MBD1: variants seen among roughly 807,000 people sequenced by gnomAD.
MBD1 encodes methyl-CpG binding domain protein 1.
Under a neutral mutation model 82.6 loss-of-function variants are expected in MBD1, and 25 were observed. The ratio of observed to expected loss-of-function variants is 0.30; its 90% CI spans 0.22 to 0.42. MBD1 has a LOEUF of 0.42. Ranked by LOEUF, MBD1 falls within the 10% of genes least tolerant of loss-of-function variation. The pLI is 1.00. For missense variants in MBD1, 627 were observed against 819.6 expected, an observed-to-expected ratio of 0.76 and a Z score of 2.87; for synonymous variants, 301 against 303.7, an observed-to-expected ratio of 0.99 and a Z score of 0.09.
At chr18:50,267,342 G>T (rs1356767893), downstream of MBD1, 9 of 494,088 alleles carry the variant, frequency 1.8e-5, no homozygotes, top group Admixed American at 6.7e-5. Flanking sequence ...CAAATAACCA[G>T]TAATAATAAT....
intron 15 of MBD1, 151 bp from the exon 16 acceptor site, chr18:50,271,691 T>C: frequency 4.7e-6 from 4 of 854,048 alleles, no homozygotes; most frequent in South Asian, 4.5e-5. Flanking sequence ...AAACTACCAT[T>C]ATAGACAGCT....
At chr18:50,281,236 G>T in intron 1 of MBD1, 127 bp downstream of exon 1, 1 of 1,533,248 alleles carries the variant, frequency 6.5e-7, no homozygotes, top group South Asian at 1.2e-5. Flanking sequence ...TCAGTATTCC[G>T]ACGCCGCCAT....
At chr18:50,272,409 T>A in intron 15 of MBD1, 1 of 514,256 alleles carries the variant, frequency 1.9e-6, no homozygotes, top group Non-Finnish European at 3.5e-6. Flanking sequence ...AGACTCCCTA[T>A]CTTTTTCTTT....
chr18:50,271,656 C>A, intron 15 of MBD1, 116 bp from the exon 16 acceptor site: 1 of 1,124,352 alleles, frequency 8.9e-7, no homozygotes, highest in Admixed American at 1.8e-5. Flanking sequence ...CTTAATTATC[C>A]TTTATCTTTT....
chr18:50,281,080 C>A, intron 1 of MBD1: 13 of 1,378,114 alleles, frequency 9.4e-6, no homozygotes, highest in Non-Finnish European at 1.3e-5. Context: ...TCTCTCTCAA[C>A]TTCAGATGCC....
In MBD1 at chr18:50,278,391, T is replaced by C. The variant is rs73434056; in HGVS notation, c.111-1187A>G. On this transcript the variant is annotated intron_variant, in intron 2 of 16. Coordinates refer to ENST00000269468, the MANE Select transcript of MBD1 (RefSeq NM_015846.4). ...GTTGTAATAAACTGTCTTTGATCTG[T>C]AACCCAGGAGTCTTACCCCTCCTAC... Among the ~76,000 whole-genome samples, 1,275 of 152,204 alleles carry C rather than the reference T, an allele frequency of 8.4e-3. 17 individuals carry two copies. The highest frequency in any genetic ancestry group is 0.029 in the African/African-American group (1,223 of 41,462).
At position 50,273,775 on chromosome 18, in the gene MBD1, G is replaced by A. The variant is rs1389747519; in HGVS notation, c.1235C>T (p.Ala412Val). ...GGTAGGGCCAAGATGGTGCCGTCGGGCAGAGCTGGGCCTCTTTCGACGACG... is the reference window on the plus strand; with the variant it reads ...GGTAGGGCCAAGATGGTGCCGTCGGACAGAGCTGGGCCTCTTTCGACGACG... ...PYRRRKRPSS[A>V]RRHHLGPTLK... Residue 412 changes from alanine to valine, a missense_variant, in exon 12 of 17, where the codon GCC becomes GTC. Physicochemically the swap from Ala to Val is moderately conservative, Grantham distance 64. Coordinates refer to ENST00000269468, the MANE Select transcript of MBD1 (RefSeq NM_015846.4). 3 of 1,613,980 alleles carry A rather than the reference G, an allele frequency of 1.9e-6. No individual in the cohort carries two copies. The highest frequency in any genetic ancestry group is 8.5e-7 in the Non-Finnish European group (1 of 1,180,036).
At chr18:50,275,448 G>T (rs986481494) in intron 8 of MBD1, 152 bp downstream of exon 8, 2 of 1,600,060 alleles carry the variant, frequency 1.2e-6, no homozygotes, top group African/African-American at 2.7e-5. Flanking sequence ...CAAGGTGCTG[G>T]CAGACAGAGG....
Position 50,276,511 on chromosome 18 carries a change from C to T in MBD1, c.476-93G>A, listed in dbSNP as rs1034098509. 8.9e-6 allele frequency: 13 copies of T among 1,462,064 alleles called. No homozygotes were observed. In the South Asian group the frequency reaches 1.4e-4, roughly 16 times the overall value. The allele number at this position is 1,462,064 out of a possible 1,614,324, so 90.6% of individuals were successfully genotyped here. On this transcript the variant is annotated intron_variant, in intron 5 of 16. Coordinates refer to ENST00000269468, the MANE Select transcript of MBD1 (RefSeq NM_015846.4). The stretch of plus-strand genomic sequence containing the variant: ...CTGTGCCCTGACTTCCACTATTCAA[C>T]CTCTACCTATGCCTGCTATCTCCAA...
In MBD1 at chr18:50,271,490, A is replaced by G. The variant is rs1466688555; in HGVS notation, c.*11T>C. The G allele has an allele frequency of 6.2e-7, 1 of 1,614,124 alleles. No individual in the cohort carries two copies. The highest frequency in any genetic ancestry group is 8.5e-7 in the Non-Finnish European group (1 of 1,179,996). On this transcript the variant is annotated 3_prime_UTR_variant, in exon 16 of 17. Transcript: ENST00000269468. ...TCACCTTGAATCCTACAGTCTGTAG[A>G]AGCCTCCAGTCTACTGCTTTCTAGC... is the stretch of plus-strand genomic sequence containing the variant.
At chr18:50,279,765 T>C (rs2039492914) in intron 2 of MBD1, 118 bp downstream of exon 2, 1 of 1,356,164 alleles carries the variant, frequency 7.4e-7, no homozygotes, top group African/African-American at 1.5e-5. Context: ...AATCCGCTAA[T>C]AAGGATTAAC....
Position 50,279,955 on chromosome 18 carries a change from G to T in MBD1, c.38C>A (p.Pro13His). 1 of 1,612,146 alleles carries T rather than the reference G, an allele frequency of 6.2e-7. No homozygotes were observed. ...EDWLDCPALG[P>H]GWKRREVFRK... ...AAAGACTTCGCGGCGCTTCCAGCCA[G>T]GGCCCAGGGCCGGGCAGTCCAGCCA... Residue 13 changes from proline to histidine, a missense_variant, in exon 2 of 17, where the codon CCT (proline) becomes CAT (histidine). By Grantham distance (77) the Pro-to-His change is moderately conservative. Coordinates refer to ENST00000269468, the MANE Select transcript of MBD1 (RefSeq NM_015846.4).
At chr18:50,269,994 A>C in intron 16 of MBD1, 176 bp from the exon 17 acceptor site, 1 of 1,594,944 alleles carries the variant, frequency 6.3e-7, no homozygotes, top group Non-Finnish European at 8.5e-7. Context: ...TGGTCAGCAG[A>C]AGCTTAACTC....
chr18:50,270,124 A>C lies in MBD1; in HGVS notation c.*33-306T>G, dbSNP rs776214912. 10 of 1,598,354 alleles carry C rather than the reference A, an allele frequency of 6.3e-6. No homozygotes were observed. In the South Asian group the frequency reaches 8.8e-5, roughly 14 times the overall value. On this transcript the variant is annotated intron_variant, in intron 16 of 16. Transcript: ENST00000269468. ...AGCAGTATCAGTCTATCCAGTCTTG[A>C]CTAGGGCTGAACTAGTTAGGATGGA...
intron 3 of MBD1, 25 bp downstream of exon 3, chr18:50,277,053 ATCCACCCCTACC>A: frequency 6.2e-7 from 1 of 1,611,726 alleles, no homozygotes; most frequent in Non-Finnish European, 8.5e-7. Context: ...TGGGTGGCAC[ATCCACCCCTACC>A]TAGGTATCTC....
In MBD1 at chr18:50,273,809, G is replaced by C. The variant is rs125555; in HGVS notation, c.1201C>G (p.Pro401Ala). 322,147 of 1,613,612 alleles carry C rather than the reference G, an allele frequency of 0.2. 32,536 individuals are homozygous for C. Among genetic ancestry groups the C allele is most frequent in the South Asian group, 0.21 (18,886 of 91,074 alleles). Reference protein sequence around the residue: ...SESEDGAGSPPPYRRRKRPSS... With the variant: ...SESEDGAGSPAPYRRRKRPSS... ...GGCCTCTTTCGACGACGGTAAGGTG[G>C]GGGCGATCCTGCCCCATCCTCAGAC... is the stretch of plus-strand genomic sequence containing the variant. Residue 401 changes from proline (P) to alanine (A), a missense_variant, in exon 12 of 17, where the codon CCA becomes GCA. By Grantham distance (27) the Pro-to-Ala change is conservative. Around this residue, in one of 6 missense-constraint regions of MBD1, gnomAD observed 265 missense variants for 278.4 expected, o/e 0.95. Coordinates refer to ENST00000269468, the MANE Select transcript of MBD1 (RefSeq NM_015846.4).
At position 50,271,459 on chromosome 18, in the gene MBD1, CA is replaced by C; in HGVS notation, c.*32+9del. 6.2e-7 allele frequency: 1 copy of C among 1,614,122 alleles called. No individual in the cohort carries two copies. The highest frequency in any genetic ancestry group is 8.5e-7 in the Non-Finnish European group (1 of 1,180,012). The stretch of plus-strand genomic sequence containing the variant: ...TGTTGTCTCTCATAAAGCCAGTCTG[CA>C]AATATCACCTTGAATCCTACAGTCT... On this transcript the variant is annotated intron_variant, in intron 16 of 16. Coordinates refer to ENST00000269468, the MANE Select transcript of MBD1 (RefSeq NM_015846.4).
chr18:50,278,346 G>A (rs1194734476), intron 2 of MBD1, among the ~76,000 whole-genome samples: 1 of 152,216 alleles, frequency 6.6e-6, no homozygotes, highest in Non-Finnish European at 1.5e-5. Context: ...GGAGACTACT[G>A]TATTCTGGAT....
intron 6 of MBD1, 30 bp from the exon 7 acceptor site, chr18:50,276,011 G>A: frequency 6.2e-7 from 1 of 1,603,234 alleles, no homozygotes; most frequent in Non-Finnish European, 8.5e-7. Context: ...CGAGATCACG[G>A]GCCTGCTCCA....
Sources: gnomAD v4.1 joint callset for allele counts (sites outside exome capture counted in the v4.1 genomes callset) on GRCh38, gnomAD v4.1.1 for gene constraint, gnomAD v4.1.1 regional missense constraint, MANE v1.5 for transcripts, NCBI Gene and HGNC (gene_info 2026-07-23, HGNC 2026-07-21) for gene names.